Variants in CNTNAP2 observed in about 807,000 individuals in gnomAD.
The protein encoded by CNTNAP2 is contactin-associated protein-like 2.
In CNTNAP2, 98 loss-of-function variants were observed where a neutral mutation model predicts 155.2. The ratio of observed to expected loss-of-function variants is 0.63; its 90% CI spans 0.54 to 0.75. The LOEUF (loss-of-function observed/expected upper bound fraction) is 0.75. CNTNAP2 is among the 30% of genes least tolerant of loss of function. CNTNAP2 has a pLI of 0.00. For synonymous variants in CNTNAP2, 651 were observed against 631.2 expected (o/e 1.03, Z -0.47); for missense variants, 1,727 against 1,688.1 (o/e 1.02, Z -0.40).
intron 1 of CNTNAP2, among the ~76,000 whole-genome samples, chr7:146,231,820 C>A (rs1453533527): frequency 6.6e-6 from 1 of 152,192 alleles, no homozygotes; most frequent in Admixed American, 6.5e-5. Flanking sequence ...TGGAAAGGAA[C>A]TGCACATGTG....
chr7:146,216,595 A>C (rs1188508560), intron 1 of CNTNAP2, among the ~76,000 whole-genome samples: 1 of 152,172 alleles, frequency 6.6e-6, no homozygotes, highest in South Asian at 2.1e-4. Flanking sequence ...AAGCCAAGCC[A>C]GGCTCTAACC....
chr7:147,238,360 A>C (rs1040369265), intron 8 of CNTNAP2, among the ~76,000 whole-genome samples: 3 of 151,958 alleles, frequency 2.0e-5, no homozygotes, highest in Non-Finnish European at 4.4e-5. Flanking sequence ...TATGATTGTC[A>C]CGAGATATAG....
intron 12 of CNTNAP2, among the ~76,000 whole-genome samples, chr7:147,622,961 G>T (rs12155322): frequency 0.14 from 20,938 of 151,942 alleles, 1,546 homozygotes; most frequent in Non-Finnish European, 0.18. Context: ...GAAATTAAAA[G>T]GATTATTGGT....
chr7:146,815,202 T>C (rs1044918645), intron 2 of CNTNAP2, among the ~76,000 whole-genome samples: 2 of 152,132 alleles, frequency 1.3e-5, no homozygotes, highest in African/African-American at 4.8e-5. Flanking sequence ...CAATACCACA[T>C]TGCTTATTTG....
intron 3 of CNTNAP2, among the ~76,000 whole-genome samples, chr7:147,012,087 G>A (rs1289590811): frequency 1.3e-5 from 2 of 152,138 alleles, no homozygotes; most frequent in Non-Finnish European, 2.9e-5. Context: ...AAATATATTT[G>A]TGATGCTTTT....
At chr7:146,729,676 TATG>T (rs745522919) in intron 1 of CNTNAP2, among the ~76,000 whole-genome samples, 10 of 152,110 alleles carry the variant, frequency 6.6e-5, no homozygotes, top group Non-Finnish European at 1.5e-4. Context: ...TACTATCCCT[TATG>T]ATCACAGCCC....
At chr7:148,270,145 G>A (rs554001304) in intron 21 of CNTNAP2, among the ~76,000 whole-genome samples, 1 of 152,216 alleles carries the variant, frequency 6.6e-6, no homozygotes, top group East Asian at 1.9e-4. Context: ...CCAATATACT[G>A]TATGGCATGG....
At chr7:147,465,315 C>T (rs2021879) in intron 10 of CNTNAP2, among the ~76,000 whole-genome samples, 121,645 of 152,174 alleles carry the variant, frequency 0.8, 49,271 homozygotes, top group African/African-American at 0.94. Flanking sequence ...TAAAATTTTG[C>T]TTAAAAAGGA....
intron 3 of CNTNAP2, among the ~76,000 whole-genome samples, chr7:146,974,395 G>A (rs980680863): frequency 1.3e-5 from 2 of 151,812 alleles, no homozygotes; most frequent in East Asian, 2.0e-4. Context: ...CCGAGATCAT[G>A]CCATTGCACT....
intron 8 of CNTNAP2, among the ~76,000 whole-genome samples, chr7:147,269,537 C>A (rs371421192): frequency 6.6e-6 from 1 of 152,122 alleles, no homozygotes; most frequent in Non-Finnish European, 1.5e-5. Context: ...CACAATATGC[C>A]GAGCACATAT....
intron 1 of CNTNAP2, among the ~76,000 whole-genome samples, chr7:146,616,691 C>A (rs1028626470): frequency 6.6e-6 from 1 of 152,136 alleles, no homozygotes; most frequent in Non-Finnish European, 1.5e-5. Context: ...CTGAAAACAC[C>A]TAGTTTCCCA....
At chr7:146,725,498 A>G (rs1202542500) in intron 1 of CNTNAP2, among the ~76,000 whole-genome samples, 1 of 152,154 alleles carries the variant, frequency 6.6e-6, no homozygotes, top group Non-Finnish European at 1.5e-5. Flanking sequence ...TGTAAAGCTA[A>G]TGAGAGACCA....
At chr7:147,937,939 A>C (rs1361378650) in intron 14 of CNTNAP2, among the ~76,000 whole-genome samples, 1 of 152,214 alleles carries the variant, frequency 6.6e-6, no homozygotes, top group Non-Finnish European at 1.5e-5. Context: ...AATGCCTACT[A>C]TGCTAGGTGC....
intron 1 of CNTNAP2, among the ~76,000 whole-genome samples, chr7:146,339,977 G>A (rs1801347956): frequency 6.6e-6 from 1 of 151,748 alleles, no homozygotes; most frequent in Admixed American, 6.6e-5. Flanking sequence ...GAAACCATCC[G>A]GCTAACACGG....
chr7:146,648,610 T>C (rs1009757471), intron 1 of CNTNAP2, among the ~76,000 whole-genome samples: 1 of 152,146 alleles, frequency 6.6e-6, no homozygotes, highest in Admixed American at 6.6e-5. Context: ...TGGGCCTAGA[T>C]GAAATTCTCA....
chr7:147,280,810 T>G (rs762701490), intron 8 of CNTNAP2, among the ~76,000 whole-genome samples: 1 of 152,004 alleles, frequency 6.6e-6, no homozygotes, highest in African/African-American at 2.4e-5. Flanking sequence ...TCCCATGATA[T>G]GAAAAGTAAG....
intron 3 of CNTNAP2, among the ~76,000 whole-genome samples, chr7:146,997,249 T>C (rs897200746): frequency 6.6e-6 from 1 of 152,172 alleles, no homozygotes; most frequent in African/African-American, 2.4e-5. Context: ...TATTTGTCTA[T>C]ACCTAATTCA....
At chr7:146,728,327 G>A (rs1208247793) in intron 1 of CNTNAP2, among the ~76,000 whole-genome samples, 2 of 152,088 alleles carry the variant, frequency 1.3e-5, no homozygotes, top group African/African-American at 2.4e-5. Context: ...GGGAGGTCAC[G>A]GAAAGCTTGT....
intron 12 of CNTNAP2, among the ~76,000 whole-genome samples, chr7:147,620,561 T>C (rs1454186093): frequency 2.6e-5 from 4 of 150,992 alleles, no homozygotes; most frequent in Non-Finnish European, 4.4e-5. Flanking sequence ...TTAAAAAGAA[T>C]CAAGCAGAAA....
Sources: allele counts gnomAD v4.1 joint callset (sites outside exome capture counted in the v4.1 genomes callset), GRCh38; gene constraint gnomAD v4.1.1; transcripts MANE v1.5; gene names NCBI Gene and HGNC (gene_info 2026-07-23, HGNC 2026-07-21).